Variants in BCKDHB observed in about 807,000 individuals in gnomAD.
The protein encoded by BCKDHB is 2-oxoisovalerate dehydrogenase subunit beta, mitochondrial.
BCKDHB carries 41 observed loss-of-function variants against 48.5 expected under a neutral mutation model. The observed-to-expected ratio is 0.85, with a 90% CI of 0.66 to 1.10. The LOEUF (loss-of-function observed/expected upper bound fraction) is 1.10, where lower values mean the gene tolerates loss of function less well. BCKDHB is among the 50% of genes least tolerant of loss of function. The pLI is 0.00. For missense variants in BCKDHB, 496 were observed against 494.2 expected (o/e 1.00, Z -0.03); for synonymous variants, 201 against 174.8 (o/e 1.15, Z -1.18).
chr6:80,406,260 G>T, the BCKDHB span, among the ~76,000 whole-genome samples: 1 of 152,148 alleles, frequency 6.6e-6, no homozygotes, highest in African/African-American at 2.4e-5. Flanking sequence ...AGTCTTTGCT[G>T]TTGTGAATAG....
the BCKDHB span, among the ~76,000 whole-genome samples, chr6:80,379,273 A>T: frequency 1.3e-5 from 2 of 152,104 alleles, no homozygotes; most frequent in Middle Eastern, 3.2e-3. Context: ...GGAGGCAAGG[A>T]TGATTCAACA....
the BCKDHB span, among the ~76,000 whole-genome samples, chr6:80,420,456 C>A: frequency 6.6e-6 from 1 of 152,172 alleles, no homozygotes; most frequent in Non-Finnish European, 1.5e-5. Context: ...CTAAGAGCAT[C>A]CTGTTTAGCT....
At chr6:80,361,380 G>A in the BCKDHB span, among the ~76,000 whole-genome samples, 1 of 152,172 alleles carries the variant, frequency 6.6e-6, no homozygotes, top group African/African-American at 2.4e-5. Flanking sequence ...GTGGAGGGCT[G>A]GGAAAAGATG....
At chr6:80,421,710 C>G in the BCKDHB span, among the ~76,000 whole-genome samples, 1 of 152,146 alleles carries the variant, frequency 6.6e-6, no homozygotes, top group Non-Finnish European at 1.5e-5. Flanking sequence ...CCCTAGAGAT[C>G]TGGGGAAATT....
chr6:80,339,025 A>T (rs1351669617), intron 9 of BCKDHB, among the ~76,000 whole-genome samples: 3 of 151,946 alleles, frequency 2.0e-5, no homozygotes, highest in Non-Finnish European at 2.9e-5. Context: ...ATTGTTGAGG[A>T]TGAGCGAAGC....
At chr6:80,442,458 T>C in the BCKDHB span, among the ~76,000 whole-genome samples, 2 of 152,188 alleles carry the variant, frequency 1.3e-5, no homozygotes, top group African/African-American at 4.8e-5. Flanking sequence ...CATACCTGTA[T>C]ATGTGTATGT....
intron 3 of BCKDHB, among the ~76,000 whole-genome samples, chr6:80,136,843 A>C (rs1318060713): frequency 6.6e-6 from 1 of 152,160 alleles, no homozygotes; most frequent in Non-Finnish European, 1.5e-5. Context: ...TTACCAGTAT[A>C]TAAATTACCA....
chr6:80,107,469 A>ATG (rs1392982222), intron 1 of BCKDHB, among the ~76,000 whole-genome samples: 3 of 140,382 alleles, frequency 2.1e-5, no homozygotes, highest in African/African-American at 5.4e-5. Context: ...ACATATATAT[A>ATG]TGTGTGGATA....
the BCKDHB span, among the ~76,000 whole-genome samples, chr6:80,398,499 A>G: frequency 9.2e-5 from 14 of 152,214 alleles, no homozygotes; most frequent in African/African-American, 2.9e-4. Flanking sequence ...ATTGCTGGAC[A>G]TATACAACCT....
chr6:80,339,900 G>C (rs1769803154), intron 9 of BCKDHB, among the ~76,000 whole-genome samples: 1 of 152,140 alleles, frequency 6.6e-6, no homozygotes, highest in Non-Finnish European at 1.5e-5. Context: ...TTGCAGAAGA[G>C]TGACTAAGAA....
At chr6:80,353,539 GT>G in the BCKDHB span, among the ~76,000 whole-genome samples, 3 of 151,214 alleles carry the variant, frequency 2.0e-5, no homozygotes, top group Non-Finnish European at 3.0e-5. Context: ...ACTAAAATGT[GT>G]TTTTTTTTGT....
chr6:80,206,308 A>G (rs1774657548), intron 8 of BCKDHB, among the ~76,000 whole-genome samples: 1 of 152,142 alleles, frequency 6.6e-6, no homozygotes. Context: ...CCAAGGAGTC[A>G]ATCCTCTCAT....
chr6:80,266,604 G>A (rs1037873990), intron 8 of BCKDHB, among the ~76,000 whole-genome samples: 1 of 152,038 alleles, frequency 6.6e-6, no homozygotes, highest in African/African-American at 2.4e-5. Flanking sequence ...GTACACAGAA[G>A]CATGTATTGT....
chr6:80,156,622 A>C (rs1202689195), intron 3 of BCKDHB, among the ~76,000 whole-genome samples: 1 of 152,174 alleles, frequency 6.6e-6, no homozygotes, highest in Non-Finnish European at 1.5e-5. Context: ...ACTTCCTTAA[A>C]TTAGTGTTCA....
chr6:80,424,823 G>A, the BCKDHB span, among the ~76,000 whole-genome samples: 1 of 152,128 alleles, frequency 6.6e-6, no homozygotes, highest in Non-Finnish European at 1.5e-5. Flanking sequence ...TTGACAGGAG[G>A]ACTTTTCCTT....
intron 8 of BCKDHB, among the ~76,000 whole-genome samples, chr6:80,249,726 A>C (rs1371141126): frequency 2.0e-5 from 3 of 152,198 alleles, no homozygotes; most frequent in Non-Finnish European, 4.4e-5. Context: ...GAATGTAAAA[A>C]GTTTTAAAAG....
chr6:80,316,418 T>C (rs964436177), intron 9 of BCKDHB, among the ~76,000 whole-genome samples: 1 of 152,170 alleles, frequency 6.6e-6, no homozygotes, highest in Admixed American at 6.5e-5. Context: ...TTGCATCGAC[T>C]TTATTTCAGT....
At chr6:80,431,566 A>T in the BCKDHB span, among the ~76,000 whole-genome samples, 4 of 152,298 alleles carry the variant, frequency 2.6e-5, no homozygotes, top group South Asian at 6.2e-4. Flanking sequence ...TCCCTTTACC[A>T]TTATGTAATG....
intron 6 of BCKDHB, among the ~76,000 whole-genome samples, chr6:80,187,711 C>G (rs563755249): frequency 2.3e-4 from 35 of 152,188 alleles, no homozygotes; most frequent in Middle Eastern, 3.4e-3. Context: ...ATGTAGCCAA[C>G]AAGCATACGA....
Sources: allele counts gnomAD v4.1 joint callset (sites outside exome capture counted in the v4.1 genomes callset), GRCh38; gene constraint gnomAD v4.1.1; transcripts MANE v1.5; gene names NCBI Gene and HGNC (gene_info 2026-07-23, HGNC 2026-07-21).